Variants in IKBKB observed in about 807,000 individuals in gnomAD.
The protein encoded by IKBKB is inhibitor of nuclear factor kappa-B kinase subunit beta.
Under a neutral mutation model 113.6 loss-of-function variants are expected in IKBKB, and 42 were observed. The observed-to-expected ratio is 0.37, with a 90% CI of 0.29 to 0.48. IKBKB has a LOEUF of 0.48. Among genes scored for constraint, IKBKB ranks in the 20% least tolerant of loss-of-function variants. The probability of loss-of-function intolerance (pLI) is 0.99; values close to 1 mark genes in which losing one functional copy is unlikely to be tolerated. For synonymous variants in IKBKB, 296 were observed against 361.3 expected, an observed-to-expected ratio of 0.82 and a Z score of 2.05; for missense variants, 673 against 939.7, an observed-to-expected ratio of 0.72 and a Z score of 3.71.
At chr8:42,323,264 G>A (rs768031743) in intron 19 of IKBKB, among the ~76,000 whole-genome samples, 3 of 152,180 alleles carry the variant, frequency 2.0e-5, no homozygotes, top group Admixed American at 6.5e-5. Flanking sequence ...TCCTTCTTAG[G>A]GCCACCAATT....
intron 2 of IKBKB, among the ~76,000 whole-genome samples, chr8:42,272,659 G>A (rs1426771829): frequency 6.6e-6 from 1 of 152,122 alleles, no homozygotes; most frequent in Non-Finnish European, 1.5e-5. Context: ...TAGGCAGCCA[G>A]CTGGGCGTGG....
Position 42,318,629 on chromosome 8 carries a change from C to G in IKBKB, c.1318C>G (p.Leu440Val). The G allele has an allele frequency of 6.2e-7, 1 of 1,613,812 alleles. No individual in the cohort carries two copies. Among genetic ancestry groups the G allele is most frequent in the Non-Finnish European group, 8.5e-7 (1 of 1,179,736 alleles). ...WGQVWHSIQT[L>V]KEDCNRLQQG... ...CCAGGTCTGGCACAGCATCCAGACC[C>G]TGAAGGAAGATTGCAACCGGCTGCA... is the stretch of plus-strand genomic sequence containing the variant. Residue 440 changes from leucine (L) to valine (V), a missense_variant, in exon 13 of 22, where the codon CTG (leucine) becomes GTG (valine). Leu to Val is a conservative substitution (Grantham distance 32). Around this residue, in one of 2 missense-constraint regions of IKBKB, gnomAD observed 506 missense variants for 638.7 expected, o/e 0.79. Transcript: ENST00000520810.
chr8:42,311,065 T>C (rs1167456056), intron 8 of IKBKB, among the ~76,000 whole-genome samples: 1 of 152,170 alleles, frequency 6.6e-6, no homozygotes, highest in Non-Finnish European at 1.5e-5. Context: ...AGTTTGCACG[T>C]TGTAAAGGTT....
chr8:42,305,922 C>T (rs1173335042), intron 6 of IKBKB, among the ~76,000 whole-genome samples: 1 of 152,254 alleles, frequency 6.6e-6, no homozygotes, highest in Non-Finnish European at 1.5e-5. Context: ...TAGGCCTGGC[C>T]TGTGACTACC....
chr8:42,326,236 G>T (rs1476509693), intron 20 of IKBKB, 139 bp downstream of exon 20: 19 of 1,031,716 alleles, frequency 1.8e-5, no homozygotes. Context: ...GCTGGGTCCT[G>T]TGGGGACAAA....
In IKBKB at chr8:42,281,391, T is replaced by C. The variant is rs1261321566; in HGVS notation, c.106-7243T>C. ...AGTGGATGGAGCCATCCCCATCTTA[T>C]GGATGAGGACCCAGATGCTTGTACC... is the stretch of plus-strand genomic sequence containing the variant. On this transcript the variant is annotated intron_variant, in intron 2 of 21. Transcript: ENST00000520810. Among the ~76,000 whole-genome samples the C allele has an allele frequency of 2.6e-5, 4 of 152,290 alleles. No homozygotes were observed. In the South Asian group the frequency reaches 6.2e-4, roughly 24 times the overall value.
At chr8:42,323,741 T>G (rs1820210114) in intron 19 of IKBKB, among the ~76,000 whole-genome samples, 1 of 152,162 alleles carries the variant, frequency 6.6e-6, no homozygotes, top group Non-Finnish European at 1.5e-5. Context: ...CACATCCTCC[T>G]GTAAGAAGAG....
At chr8:42,301,026 A>ATT (rs1235722566) in intron 5 of IKBKB, among the ~76,000 whole-genome samples, 1 of 147,196 alleles carries the variant, frequency 6.8e-6, no homozygotes. Flanking sequence ...GCTAATTAAA[A>ATT]TTTTTTTTTT....
intron 2 of IKBKB, among the ~76,000 whole-genome samples, chr8:42,283,675 G>C (rs1810802991): frequency 6.6e-6 from 1 of 152,188 alleles, no homozygotes; most frequent in Admixed American, 6.5e-5. Flanking sequence ...CTTAGCTCAG[G>C]GAGACCCACA....
chr8:42,308,388 C>A lies in IKBKB; in HGVS notation c.568-513C>A, dbSNP rs1464800794. Among the ~76,000 whole-genome samples, 7 of 151,140 alleles carry A rather than the reference C, an allele frequency of 4.6e-5. No homozygotes were observed. In the East Asian group the frequency reaches 1.4e-3, roughly 29 times the overall value. ...TCTTGGCTCACTGCAACCTCCACTTCCCAGGTTCAAGCGATTCTTGTGCCT... is the reference window on the plus strand; with the variant it reads ...TCTTGGCTCACTGCAACCTCCACTTACCAGGTTCAAGCGATTCTTGTGCCT... On this transcript the variant is annotated intron_variant, in intron 7 of 21. Transcript: ENST00000520810.
chr8:42,294,217 T>TA (rs1813246135), intron 5 of IKBKB, among the ~76,000 whole-genome samples: 1 of 152,250 alleles, frequency 6.6e-6, no homozygotes, highest in Admixed American at 6.5e-5. Flanking sequence ...GTCTAAGGTT[T>TA]AGAGTTATCA....
At position 42,331,430 on chromosome 8, in the gene IKBKB, G is replaced by T; in HGVS notation, c.*451G>T. The T allele has an allele frequency of 1.4e-6, 1 of 702,520 alleles. No individual in the cohort carries two copies. Among genetic ancestry groups the T allele is most frequent in the South Asian group, 1.5e-5 (1 of 67,518 alleles). 43.5% of individuals were successfully genotyped at this position (702,520 alleles called of 1,614,324 possible). A position where few individuals can be genotyped will look rare whatever the true frequency, so the allele number is the denominator to read the frequency against. On this transcript the variant is annotated 3_prime_UTR_variant, in exon 22 of 22. Coordinates refer to ENST00000520810, the MANE Select transcript of IKBKB (RefSeq NM_001556.3). ...GGGCAGAGTCCGAGCAGCGCTTGGT[G>T]ACAGCCTGTCCTCTCCTGCTCTCCA...
chr8:42,313,086 C>T (rs1183925272), intron 8 of IKBKB, among the ~76,000 whole-genome samples: 4 of 152,194 alleles, frequency 2.6e-5, no homozygotes, highest in Non-Finnish European at 4.4e-5. Flanking sequence ...TGTCAGAGTA[C>T]TTGGTTATCT....
At chr8:42,281,318 G>A (rs748696330) in intron 2 of IKBKB, among the ~76,000 whole-genome samples, 29 of 152,104 alleles carry the variant, frequency 1.9e-4, no homozygotes, top group Non-Finnish European at 3.7e-4. Context: ...GTTTATTCCC[G>A]GCTCCCTGTG....
intron 4 of IKBKB, among the ~76,000 whole-genome samples, chr8:42,292,342 C>T (rs558282790): frequency 2.0e-5 from 3 of 152,118 alleles, no homozygotes; most frequent in African/African-American, 4.8e-5. Context: ...AAGAAGAGAT[C>T]GAAAGTTTAA....
rs1815373249 is a variant in IKBKB at position 42,302,237 on chromosome 8, CAA to C, written c.389-2946_389-2945del. On this transcript the variant is annotated intron_variant, in intron 5 of 21. Coordinates refer to ENST00000520810, the MANE Select transcript of IKBKB (RefSeq NM_001556.3). ...GCTTTGATTTTTAATAAAAGTAAAA[CAA>C]AAATAAAAGTGCTGATGAGAAGCAT... Among the ~76,000 whole-genome samples the C allele has an allele frequency of 2.6e-5, 4 of 152,140 alleles. No individual in the cohort carries two copies. The South Asian group carries it at 8.3e-4, about 32-fold the overall frequency.
At chr8:42,295,182 G>A (rs543454819) in intron 5 of IKBKB, among the ~76,000 whole-genome samples, 2 of 135,246 alleles carry the variant, frequency 1.5e-5, no homozygotes, top group East Asian at 2.3e-4. Context: ...TGCAGTAGGC[G>A]ACCTCAGCTC....
chr8:42,325,640 C>T (rs1469520085), intron 19 of IKBKB: 36 of 1,050,382 alleles, frequency 3.4e-5, no homozygotes, highest in African/African-American at 5.1e-5. Context: ...GATCGCACAT[C>T]GCACTTCAGC....
At position 42,329,776 on chromosome 8, in the gene IKBKB, A is replaced by C. The variant is rs556897315; in HGVS notation, c.2205+562A>C. On this transcript the variant is annotated intron_variant, in intron 21 of 21. Coordinates refer to ENST00000520810, the MANE Select transcript of IKBKB (RefSeq NM_001556.3). ...AGGGCCTTGGAGCTTAGTGGTAGGT[A>C]GTACTAGTTATGAGAAAACTAGCCA... The C allele has an allele frequency of 2.1e-4, 208 of 985,432 alleles. 3 individuals carry two copies. In the African/African-American group the frequency reaches 3.5e-3, roughly 17 times the overall value. The allele number at this position is 985,432 out of a possible 1,614,324, so 61.0% of individuals were successfully genotyped here.
Sources: gnomAD v4.1 joint callset for allele counts (sites outside exome capture counted in the v4.1 genomes callset) on GRCh38, gnomAD v4.1.1 for gene constraint, gnomAD v4.1.1 regional missense constraint, MANE v1.5 for transcripts, NCBI Gene and HGNC (gene_info 2026-07-23, HGNC 2026-07-21) for gene names.